Variants in TMTC1 observed in about 807,000 individuals in gnomAD.
TMTC1 encodes the protein transmembrane O-mannosyltransferase targeting cadherins 1.
A neutral mutation model predicts 104.8 loss-of-function variants in TMTC1; 73 were observed. That is an observed-to-expected ratio of 0.70 (90% CI 0.58 to 0.85). TMTC1 has a LOEUF of 0.85. Among genes scored for constraint, TMTC1 ranks in the 40% least tolerant of loss-of-function variants. The probability of loss-of-function intolerance (pLI) is 0.00; values close to 1 mark genes in which losing one functional copy is unlikely to be tolerated. For missense variants in TMTC1, 1,035 were observed against 1,096.1 expected, an observed-to-expected ratio of 0.94 and a Z score of 0.79; for synonymous variants, 434 against 428.7, an observed-to-expected ratio of 1.01 and a Z score of -0.15.
intron 13 of TMTC1, 80 bp downstream of exon 13, chr12:29,518,392 C>A: frequency 6.5e-7 from 1 of 1,536,334 alleles, no homozygotes; most frequent in Non-Finnish European, 8.8e-7. Flanking sequence ...GAGAGCACAC[C>A]TATTCTGATT....
rs1941199697 is a variant in TMTC1 at position 29,689,493 on chromosome 12, T to C, written c.939-56157A>G. 2.0e-5 allele frequency among the ~76,000 whole-genome samples: 3 copies of C among 152,116 alleles called. No individual in the cohort carries two copies. The South Asian group carries it at 6.2e-4, about 32-fold the overall frequency. Reference sequence around the variant, plus strand: ...CACACCTGGCTAAGTTTTGTATTTTTAGTAGAGATGGGGGTTTCACCATGT... The same window carrying C: ...CACACCTGGCTAAGTTTTGTATTTTCAGTAGAGATGGGGGTTTCACCATGT... On this transcript the variant is annotated intron_variant, in intron 5 of 17. Coordinates refer to ENST00000539277, the MANE Select transcript of TMTC1 (RefSeq NM_001193451.2).
chr12:29,676,099 C>T (rs1940716607), intron 5 of TMTC1, among the ~76,000 whole-genome samples: 1 of 152,206 alleles, frequency 6.6e-6, no homozygotes, highest in Non-Finnish European at 1.5e-5. Flanking sequence ...ACAATAGTGC[C>T]TAAATAATCT....
chr12:29,548,535 A>C (rs754116457), intron 10 of TMTC1, among the ~76,000 whole-genome samples: 2 of 151,990 alleles, frequency 1.3e-5, no homozygotes, highest in Non-Finnish European at 2.9e-5. Flanking sequence ...TTTATAAAGT[A>C]CAGTTCCCCT....
intron 5 of TMTC1, among the ~76,000 whole-genome samples, chr12:29,693,494 T>C (rs1591934854): frequency 6.6e-6 from 1 of 152,028 alleles, no homozygotes; most frequent in African/African-American, 2.4e-5. Context: ...GTATCCAAAA[T>C]TTGTAACCAA....
chr12:29,535,284 G>A (rs912003059), intron 11 of TMTC1: 1 of 152,194 alleles, frequency 6.6e-6, no homozygotes, highest in Admixed American at 6.5e-5. Flanking sequence ...TAAAGCATGC[G>A]TTAAAATCAT....
At position 29,758,715 on chromosome 12, in the gene TMTC1, G is replaced by T. The variant is rs1316115785; in HGVS notation, c.543C>A (p.Leu181=). ...TTAGCTACACATACCTGTTGTACGA[G>T]AGAAAGGCCAATAGAAACAGCAGAC... ...LACLLFLLAF[L]SYNRSLDQGC... is the part of the protein sequence containing the mutation. The change falls in exon 3 of 18, where the codon CTC becomes CTA. Residue 181 remains leucine (L), a synonymous_variant. Transcript: ENST00000539277. 1.2e-6 allele frequency: 2 copies of T among 1,613,710 alleles called. No individual in the cohort carries two copies. The highest frequency in any genetic ancestry group is 4.5e-5 in the East Asian group (2 of 44,866).
chr12:29,754,471 T>C (rs1353481013), intron 4 of TMTC1, among the ~76,000 whole-genome samples: 1 of 152,192 alleles, frequency 6.6e-6, no homozygotes, highest in African/African-American at 2.4e-5. Flanking sequence ...AGCTGTCTTA[T>C]CTTTTTGCTG....
intron 5 of TMTC1, among the ~76,000 whole-genome samples, chr12:29,637,761 G>A (rs1170868867): frequency 6.6e-6 from 1 of 152,182 alleles, no homozygotes. Flanking sequence ...AATGACATGA[G>A]CCTAACATAT....
At chr12:29,575,636 A>T (rs1945802031) in intron 8 of TMTC1, among the ~76,000 whole-genome samples, 1 of 152,088 alleles carries the variant, frequency 6.6e-6, no homozygotes, top group Non-Finnish European at 1.5e-5. Context: ...CAAAAGAAAC[A>T]GACCATCTGA....
chr12:29,674,447 A>G (rs1438845213), intron 5 of TMTC1, among the ~76,000 whole-genome samples: 1 of 152,224 alleles, frequency 6.6e-6, no homozygotes, highest in African/African-American at 2.4e-5. Context: ...GAGTAAAGGA[A>G]TGCAGCTAGG....
At chr12:29,756,907 T>C (rs1032035132) in intron 3 of TMTC1, among the ~76,000 whole-genome samples, 1 of 152,208 alleles carries the variant, frequency 6.6e-6, no homozygotes, top group Admixed American at 6.5e-5. Context: ...AACCAATCTG[T>C]AATAACATGG....
chr12:29,515,814 G>C (rs1943969673), intron 15 of TMTC1, among the ~76,000 whole-genome samples: 1 of 149,444 alleles, frequency 6.7e-6, no homozygotes, highest in Non-Finnish European at 1.5e-5. Context: ...CCAGGACATA[G>C]TGGGCCTTCA....
intron 10 of TMTC1, 100 bp downstream of exon 10, chr12:29,556,757 C>T: frequency 6.7e-7 from 1 of 1,485,714 alleles, no homozygotes. Flanking sequence ...TTATTCAGCT[C>T]CAGAGAGAGG....
intron 5 of TMTC1, among the ~76,000 whole-genome samples, chr12:29,643,495 T>TA (rs1938978678): frequency 4.3e-5 from 3 of 70,308 alleles, no homozygotes; most frequent in Non-Finnish European, 8.1e-5. Context: ...AAAAATATTA[T>TA]ATATTATATA....
At chr12:29,730,046 TG>T (rs944217544) in intron 5 of TMTC1, among the ~76,000 whole-genome samples, 5 of 151,746 alleles carry the variant, frequency 3.3e-5, no homozygotes, top group African/African-American at 4.8e-5. Context: ...GAACAAGGGA[TG>T]GGGGGAAGTA....
chr12:29,659,790 A>G, intron 5 of TMTC1: 1 of 940,012 alleles, frequency 1.1e-6, no homozygotes, highest in Non-Finnish European at 1.6e-6. Context: ...GATAGACCCC[A>G]ATCCTCAATA....
At chr12:29,782,116 C>T (rs1943847689) in intron 1 of TMTC1, among the ~76,000 whole-genome samples, 1 of 152,162 alleles carries the variant, frequency 6.6e-6, no homozygotes, top group Non-Finnish European at 1.5e-5. Context: ...TTATATTTGT[C>T]CCAAGGAGAT....
intron 9 of TMTC1, among the ~76,000 whole-genome samples, chr12:29,567,305 C>T (rs1945543325): frequency 1.3e-5 from 2 of 152,142 alleles, no homozygotes; most frequent in South Asian, 2.1e-4. Flanking sequence ...CTAAGATAGC[C>T]AGAAAAAGTG....
At chr12:29,660,294 T>C (rs996626783) in intron 5 of TMTC1, among the ~76,000 whole-genome samples, 4 of 152,184 alleles carry the variant, frequency 2.6e-5, no homozygotes, top group Non-Finnish European at 5.9e-5. Context: ...GGATGAGATA[T>C]CACGTAGAGG....
Sources: allele counts gnomAD v4.1 joint callset (sites outside exome capture counted in the v4.1 genomes callset), GRCh38; gene constraint gnomAD v4.1.1; transcripts MANE v1.5; gene names NCBI Gene and HGNC (gene_info 2026-07-23, HGNC 2026-07-21).